Variants in CREB1 observed in about 807,000 individuals in gnomAD.
CREB1 encodes cAMP responsive element binding protein 1, also known as cyclic AMP-responsive element-binding protein 1.
In CREB1, 2 loss-of-function variants were observed where a neutral mutation model predicts 42.0. The ratio of observed to expected loss-of-function variants is 0.05; its 90% CI spans 0.02 to 0.15. The LOEUF is 0.15. Among genes scored for constraint, CREB1 ranks in the 10% least tolerant of loss-of-function variants. CREB1 has a pLI of 1.00. For missense variants in CREB1, 199 were observed against 388.9 expected (o/e 0.51, Z 4.11); for synonymous variants, 123 against 139.9 (o/e 0.88, Z 0.85).
At chr2:207,586,841 G>A (rs943872804) in intron 7 of CREB1, among the ~76,000 whole-genome samples, 2 of 152,174 alleles carry the variant, frequency 1.3e-5, no homozygotes, top group African/African-American at 4.8e-5. Context: ...CCACAATGAA[G>A]TATCATTAGA....
At position 207,584,983 on chromosome 2, in the gene CREB1, T is replaced by A. The variant is rs1281956150; in HGVS notation, c.839+7328T>A. On this transcript the variant is annotated intron_variant, in intron 7 of 7. Transcript: ENST00000353267. ...ATGCTTGTGGTATTTATGAATTTTC[T>A]GCCTGGATAGGCCCAGCCCACTTAC... Among the ~76,000 whole-genome samples, 3 of 152,142 alleles carry A rather than the reference T, an allele frequency of 2.0e-5. 1 individual carries two copies. Among genetic ancestry groups the A allele is most frequent in the African/African-American group, 7.2e-5 (3 of 41,436 alleles).
rs113145794 is a variant in CREB1, at chr2:207,597,017, C to T, written c.943C>T (p.Leu315=). The T allele has an allele frequency of 2.1e-4, 332 of 1,611,532 alleles. No individual in the cohort carries two copies. In the African/African-American group the frequency reaches 4.1e-3, roughly 20 times the overall value. Residue 315 remains leucine, a synonymous_variant, in exon 8 of 8, where the codon CTA becomes TTA. Transcript: ENST00000353267. ...ENQNKTLIEE[L]KALKDLYCHK... is the part of the protein sequence containing the mutation. Reference sequence around the variant, plus strand: ...TCAAAACAAGACATTGATTGAGGAGCTAAAAGCACTTAAGGACCTTTACTG... The same window carrying T: ...TCAAAACAAGACATTGATTGAGGAGTTAAAAGCACTTAAGGACCTTTACTG...
intron 2 of CREB1, among the ~76,000 whole-genome samples, chr2:207,557,606 C>T (rs910732445): frequency 9.2e-5 from 14 of 151,416 alleles, no homozygotes; most frequent in African/African-American, 3.4e-4. Context: ...GTCATGAACC[C>T]GAGACCGCAC....
At chr2:207,574,576 A>G (rs2082499915) in intron 5 of CREB1, among the ~76,000 whole-genome samples, 1 of 152,216 alleles carries the variant, frequency 6.6e-6, no homozygotes. Context: ...TAAACAACAA[A>G]GGGTTCTATA....
chr2:207,530,602 GC>G (rs1310573334), intron 1 of CREB1, among the ~76,000 whole-genome samples: 3 of 148,136 alleles, frequency 2.0e-5, no homozygotes, highest in Admixed American at 2.0e-4. Context: ...CGCCCGCCTC[GC>G]CCCCGGCCCG....
chr2:207,550,173 C>T (rs2081449559), intron 1 of CREB1: 1 of 151,902 alleles, frequency 6.6e-6, no homozygotes. Context: ...AATCATGTGC[C>T]CAAATATGTG....
rs1460967132 is a variant in CREB1 at position 207,600,967 on chromosome 2, T to C, written c.*3909T>C. The C allele has an allele frequency of 5.9e-6, 1 of 168,564 alleles. No homozygotes were observed. Among genetic ancestry groups the C allele is most frequent in the Non-Finnish European group, 1.2e-5 (1 of 86,380 alleles). The allele number at this position is 168,564 out of a possible 1,614,324, so 10.4% of individuals were successfully genotyped here. On this transcript the variant is annotated 3_prime_UTR_variant, in exon 8 of 8. Transcript: ENST00000353267. ...TTTTTAATTCTATGATCAGCCACAG[T>C]CAGCTATTACCATAAATTGGTCTCT...
At chr2:207,596,625 G>T (rs1175666521) in intron 7 of CREB1, among the ~76,000 whole-genome samples, 1 of 152,198 alleles carries the variant, frequency 6.6e-6, no homozygotes, top group Non-Finnish European at 1.5e-5. Flanking sequence ...GTAGAGAGGG[G>T]TTTCATCATG....
chr2:207,543,408 C>T (rs1329625979), intron 1 of CREB1, among the ~76,000 whole-genome samples: 1 of 152,096 alleles, frequency 6.6e-6, no homozygotes, highest in African/African-American at 2.4e-5. Flanking sequence ...TTCACAGTTA[C>T]AAACATTTAC....
intron 1 of CREB1, among the ~76,000 whole-genome samples, chr2:207,545,716 A>G (rs1364051991): frequency 6.8e-6 from 1 of 147,650 alleles, no homozygotes; most frequent in African/African-American, 2.5e-5. Flanking sequence ...AGTTGTACAG[A>G]TTAAAGGAAG....
intron 3 of CREB1, among the ~76,000 whole-genome samples, chr2:207,564,545 CA>C (rs2082072102): frequency 6.6e-6 from 1 of 151,668 alleles, no homozygotes. Flanking sequence ...AATATATATC[CA>C]AACCATGAGT....
At chr2:207,583,874 T>C (rs1317124653) in intron 7 of CREB1, among the ~76,000 whole-genome samples, 1 of 152,248 alleles carries the variant, frequency 6.6e-6, no homozygotes, top group Non-Finnish European at 1.5e-5. Flanking sequence ...TGAACTGTTT[T>C]CTACCCTTAT....
intron 1 of CREB1, among the ~76,000 whole-genome samples, chr2:207,546,961 C>G (rs1345274448): frequency 4.6e-5 from 7 of 152,160 alleles, no homozygotes; most frequent in Non-Finnish European, 1.0e-4. Flanking sequence ...TAGTTCCATT[C>G]CCAAATATTA....
chr2:207,541,503 G>A (rs186327501), intron 1 of CREB1, among the ~76,000 whole-genome samples: 5 of 152,212 alleles, frequency 3.3e-5, no homozygotes, highest in Admixed American at 6.5e-5. Flanking sequence ...ATACCATGCT[G>A]TATGGGTTTG....
rs751043980 is a variant in CREB1, at chr2:207,599,287, A to G, written c.*2229A>G. 15 of 206,794 alleles carry G rather than the reference A, an allele frequency of 7.3e-5. No individual in the cohort carries two copies. The highest frequency in any genetic ancestry group is 9.9e-6 in the Non-Finnish European group (1 of 101,424). The allele number at this position is 206,794 out of a possible 1,614,324, so 12.8% of individuals were successfully genotyped here. The stretch of plus-strand genomic sequence containing the variant: ...TTAAAAACTGGTTTAACAGAAATCA[A>G]GCAAAGTCACAAATATGTTCACAAG... On this transcript the variant is annotated 3_prime_UTR_variant, in exon 8 of 8. Transcript: ENST00000353267.
intron 5 of CREB1, 56 bp from the exon 6 acceptor site, chr2:207,575,215 GT>G (rs1441121749): frequency 2.7e-6 from 4 of 1,504,068 alleles, no homozygotes; most frequent in Non-Finnish European, 3.6e-6. Flanking sequence ...TGGATGTAAT[GT>G]TTTAAAAGTC....
chr2:207,592,513 A>G (rs997252059), intron 7 of CREB1, among the ~76,000 whole-genome samples: 1 of 152,154 alleles, frequency 6.6e-6, no homozygotes. Flanking sequence ...GATTTGCAGC[A>G]ATTCAAATAT....
At chr2:207,543,237 AT>A (rs2081166902) in intron 1 of CREB1, among the ~76,000 whole-genome samples, 1 of 152,178 alleles carries the variant, frequency 6.6e-6, no homozygotes, top group South Asian at 2.1e-4. Context: ...TCCCCCAAAT[AT>A]CTTTGATCTG....
chr2:207,545,457 T>G (rs533011649), intron 1 of CREB1, among the ~76,000 whole-genome samples: 6 of 152,326 alleles, frequency 3.9e-5, no homozygotes, highest in Admixed American at 2.0e-4. Context: ...TCCACCCGCC[T>G]TGGCCTCCCA....
Sources: allele counts gnomAD v4.1 joint callset (sites outside exome capture counted in the v4.1 genomes callset), GRCh38; gene constraint gnomAD v4.1.1; transcripts MANE v1.5; gene names NCBI Gene and HGNC (gene_info 2026-07-23, HGNC 2026-07-21).